KAZN: variants seen among roughly 807,000 people sequenced by gnomAD.
The protein encoded by KAZN is kazrin.
A neutral mutation model predicts 87.4 loss-of-function variants in KAZN; 40 were observed. The observed-to-expected ratio is 0.46, with a 90% CI of 0.36 to 0.60. The LOEUF (loss-of-function observed/expected upper bound fraction) is 0.60. Among genes scored for constraint, KAZN ranks in the 20% least tolerant of loss-of-function variants. The probability of loss-of-function intolerance (pLI) is 0.00; values close to 1 mark genes in which losing one functional copy is unlikely to be tolerated. For missense variants in KAZN, 898 were observed against 1,073.9 expected, an observed-to-expected ratio of 0.84 and a Z score of 2.29; for synonymous variants, 466 against 458.3, an observed-to-expected ratio of 1.02 and a Z score of -0.22.
At chr1:14,310,595 G>A (rs951795823) in intron 2 of KAZN, among the ~76,000 whole-genome samples, 2 of 152,106 alleles carry the variant, frequency 1.3e-5, no homozygotes, top group Non-Finnish European at 2.9e-5. Context: ...CAGACTATTG[G>A]CAATTTCACA....
rs1645086773 is a variant in KAZN, at chr1:14,773,697, C to CA, written c.226+174475dup. On this transcript the variant is annotated intron_variant, in intron 1 of 14. Coordinates refer to ENST00000376030, the MANE Select transcript of KAZN (RefSeq NM_201628.3). The surrounding 1 kb of genome is among the most constrained non-coding windows in gnomAD (Gnocchi z 5.9). ...CAGTGCCTCTATGCAGCCGGTTACC[C>CA]ATTGGCGTCACTTAGCCTGGCAGTG... Among the ~76,000 whole-genome samples, 1 of 152,186 alleles carries CA rather than the reference C, an allele frequency of 6.6e-6. No homozygotes were observed. Among genetic ancestry groups the CA allele is most frequent in the Non-Finnish European group, 1.5e-5 (1 of 68,030 alleles).
chr1:14,750,455 G>C (rs898596668), intron 1 of KAZN, among the ~76,000 whole-genome samples: 4 of 152,116 alleles, frequency 2.6e-5, no homozygotes, highest in Non-Finnish European at 5.9e-5. Context: ...GAACACTGAG[G>C]CTTCAGTCAG....
chr1:14,135,370 A>G (rs10737921), intron 1 of KAZN, among the ~76,000 whole-genome samples: 87,252 of 152,124 alleles, frequency 0.57, 26,320 homozygotes, highest in East Asian at 0.76. Context: ...TCTTAGTCTT[A>G]GCGAGGCTTT....
chr1:14,452,618 A>G (rs1464085616), intron 2 of KAZN, among the ~76,000 whole-genome samples: 1 of 152,074 alleles, frequency 6.6e-6, no homozygotes, highest in Non-Finnish European at 1.5e-5. Context: ...GCACTGTGGA[A>G]TTGGCATACA....
chr1:14,625,875 T>A (rs964071090), intron 1 of KAZN, among the ~76,000 whole-genome samples: 4 of 152,216 alleles, frequency 2.6e-5, no homozygotes, highest in African/African-American at 9.6e-5. Context: ...CAAAGAAACC[T>A]AGTCCTTTTT....
intron 1 of KAZN, among the ~76,000 whole-genome samples, chr1:13,927,826 A>G (rs1640344053): frequency 6.6e-6 from 1 of 152,228 alleles, no homozygotes; most frequent in African/African-American, 2.4e-5. Flanking sequence ...CAGGGTGCTC[A>G]GAGGCTGCCC....
At chr1:14,194,430 T>C (rs955843115) in intron 2 of KAZN, among the ~76,000 whole-genome samples, 1 of 152,198 alleles carries the variant, frequency 6.6e-6, no homozygotes, top group African/African-American at 2.4e-5. Flanking sequence ...TCCAGTTCCC[T>C]GGACTGTTAC....
At chr1:14,392,389 A>C (rs1210673320) in intron 2 of KAZN, among the ~76,000 whole-genome samples, 1 of 152,104 alleles carries the variant, frequency 6.6e-6, no homozygotes, top group Non-Finnish European at 1.5e-5. Context: ...TGATTGTCAG[A>C]AGTGGTGCCA....
chr1:14,997,467 C>T lies in KAZN; in HGVS notation c.418+36592C>T, dbSNP rs1167903317. ...GTTGGTCAGGCTGGTCTCGCACTCC[C>T]GACCTCAGGTGATCCACCTGCCTCG... is the stretch of plus-strand genomic sequence containing the variant. On this transcript the variant is annotated intron_variant, in intron 2 of 14. Transcript: ENST00000376030. 3.3e-5 allele frequency among the ~76,000 whole-genome samples: 5 copies of T among 151,946 alleles called. No individual in the cohort carries two copies. The South Asian group carries it at 6.2e-4, about 19-fold the overall frequency.
Position 14,693,286 on chromosome 1 carries a change from C to T in KAZN, c.226+94063C>T, listed in dbSNP as rs570301620. On this transcript the variant is annotated intron_variant, in intron 1 of 14. Transcript: ENST00000376030. ...GAGATAGGGAGGCAGTTGTTTCTCC[C>T]GGCAACAGGATGCTAAGGGAGGGGT... is the stretch of plus-strand genomic sequence containing the variant. Among the ~76,000 whole-genome samples, 3 of 152,258 alleles carry T rather than the reference C, an allele frequency of 2.0e-5. No individual in the cohort carries two copies. In the South Asian group the frequency reaches 6.2e-4, roughly 32 times the overall value.
chr1:14,155,250 T>C (rs1391598417), intron 1 of KAZN, among the ~76,000 whole-genome samples: 1 of 152,228 alleles, frequency 6.6e-6, no homozygotes, highest in Admixed American at 6.5e-5. Flanking sequence ...TTCATCATGG[T>C]TCAATCTTGG....
chr1:14,293,223 C>G (rs1223921055), intron 2 of KAZN, among the ~76,000 whole-genome samples: 2 of 152,182 alleles, frequency 1.3e-5, no homozygotes, highest in African/African-American at 4.8e-5. Context: ...CGAAGGGAAC[C>G]AATATTTAGA....
intron 1 of KAZN, among the ~76,000 whole-genome samples, chr1:14,907,117 T>C (rs1400412444): frequency 1.3e-5 from 2 of 151,848 alleles, no homozygotes; most frequent in South Asian, 4.2e-4. Context: ...TATTAGAAGC[T>C]AGATGCAGTG....
chr1:15,048,628 G>A (rs140940258), intron 4 of KAZN, among the ~76,000 whole-genome samples: 7,915 of 143,334 alleles, frequency 0.055, 902 homozygotes, highest in African/African-American at 0.21. Flanking sequence ...CTGGGTCGTC[G>A]GTCCTGGGTC....
intron 2 of KAZN, among the ~76,000 whole-genome samples, chr1:14,550,335 GA>G (rs112265448): frequency 0.015 from 2,233 of 152,098 alleles, 45 homozygotes; most frequent in African/African-American, 0.05. Context: ...TGGAACGGGG[GA>G]AAAAAAATTA....
At chr1:14,483,658 G>A (rs930444873) in intron 2 of KAZN, among the ~76,000 whole-genome samples, 1 of 152,178 alleles carries the variant, frequency 6.6e-6, no homozygotes, top group Non-Finnish European at 1.5e-5. Flanking sequence ...GTATGTATAG[G>A]TTTACATCGG....
intron 2 of KAZN, among the ~76,000 whole-genome samples, chr1:14,997,485 C>G (rs1668019518): frequency 6.6e-6 from 1 of 152,120 alleles, no homozygotes; most frequent in African/African-American, 2.4e-5. Flanking sequence ...GGTGATCCAC[C>G]TGCCTCGGCC....
At chr1:14,877,836 T>C (rs752950620) in intron 1 of KAZN, among the ~76,000 whole-genome samples, 6 of 152,208 alleles carry the variant, frequency 3.9e-5, no homozygotes, top group Non-Finnish European at 8.8e-5. Flanking sequence ...ATATTCACAA[T>C]TATCATGAAT....
chr1:15,005,902 G>A (rs776106645), intron 2 of KAZN, among the ~76,000 whole-genome samples: 2 of 152,162 alleles, frequency 1.3e-5, no homozygotes, highest in African/African-American at 4.8e-5. Context: ...ACATCTCAGC[G>A]GGCCGCAGTG....
Sources: gnomAD v4.1 joint callset for allele counts (sites outside exome capture counted in the v4.1 genomes callset) on GRCh38, gnomAD v4.1.1 for gene constraint, Gnocchi (gnomAD v3.1) non-coding constraint, MANE v1.5 for transcripts, NCBI Gene and HGNC (gene_info 2026-07-23, HGNC 2026-07-21) for gene names.